PCDHA9: variants seen among roughly 807,000 people sequenced by gnomAD.
PCDHA9 encodes protocadherin alpha 9, also known as protocadherin alpha-9.
In PCDHA9, 62 loss-of-function variants were observed where a neutral mutation model predicts 62.0. The observed-to-expected ratio is 1.00, with a 90% CI of 0.81 to 1.23. PCDHA9 has a LOEUF of 1.23. Among genes scored for constraint, PCDHA9 ranks in the 50% most tolerant of loss-of-function variants. PCDHA9 has a pLI of 0.00. For synonymous variants in PCDHA9, 557 were observed against 567.6 expected (o/e 0.98, Z 0.27); for missense variants, 1,205 against 1,249.8 (o/e 0.96, Z 0.54).
At chr5:141,008,528 G>C (rs1343778561) in intron 3 of PCDHA9, among the ~76,000 whole-genome samples, 5 of 152,070 alleles carry the variant, frequency 3.3e-5, no homozygotes, top group African/African-American at 9.7e-5. Flanking sequence ...AGACTCTTGG[G>C]AATGTCTTTT....
intron 1 of PCDHA9, among the ~76,000 whole-genome samples, chr5:140,900,673 A>G (rs936784929): frequency 3.3e-5 from 5 of 152,210 alleles, no homozygotes; most frequent in African/African-American, 1.2e-4. Flanking sequence ...GAGTGCAGTT[A>G]TCTCTTCAAT....
At position 140,879,168 on chromosome 5, in the gene PCDHA9, A is replaced by G. The variant is rs2057882676; in HGVS notation, c.2394+28279A>G. Among the ~76,000 whole-genome samples, 5 of 152,334 alleles carry G rather than the reference A, an allele frequency of 3.3e-5. 1 individual carries two copies. Among genetic ancestry groups the G allele is most frequent in the Admixed American group, 6.5e-5 (1 of 15,308 alleles). On this transcript the variant is annotated intron_variant, in intron 1 of 3. Coordinates refer to ENST00000532602, the MANE Select transcript of PCDHA9 (RefSeq NM_031857.2). ...AGGAAAGCTATTTCTTTTTTAATAAATTAGGTATCAAGTAATGGAGACTTA... is the reference window on the plus strand; with the variant it reads ...AGGAAAGCTATTTCTTTTTTAATAAGTTAGGTATCAAGTAATGGAGACTTA...
At chr5:140,854,174 A>AAAAAGAGT in intron 1 of PCDHA9, 1 of 680,558 alleles carries the variant, frequency 1.5e-6, no homozygotes, top group Non-Finnish European at 1.8e-6. Context: ...AAAAAAAAAA[A>AAAAAGAGT]AAGAGTAGTT....
At chr5:140,915,015 G>T (rs1469800021) in intron 1 of PCDHA9, among the ~76,000 whole-genome samples, 3 of 146,766 alleles carry the variant, frequency 2.0e-5, no homozygotes, top group Non-Finnish European at 4.5e-5. Flanking sequence ...GCCTGATCTT[G>T]GCTCACTGCA....
chr5:140,850,141 T>G lies in PCDHA9; in HGVS notation c.1646T>G (p.Val549Gly). Residue 549 changes from valine (V) to glycine (G), a missense_variant, in exon 1 of 4, where the codon GTG becomes GGG. Around this residue, in one of 3 missense-constraint regions of PCDHA9, gnomAD observed 887 missense variants for 809.5 expected, o/e 1.10. Coordinates refer to ENST00000532602, the MANE Select transcript of PCDHA9 (RefSeq NM_031857.2). ...GGCGTGCCGCCTCTGGGCAGCAACG[T>G]GACGCTGCAGGTGTTCGTGCTGGAC... The part of the protein sequence containing the change: ...DAGVPPLGSN[V>G]TLQVFVLDEN... The G allele has an allele frequency of 6.3e-7, 1 of 1,595,586 alleles. No homozygotes were observed. The highest frequency in any genetic ancestry group is 8.6e-7 in the Non-Finnish European group (1 of 1,167,804).
At chr5:140,927,063 C>G in intron 1 of PCDHA9, 1 of 1,611,332 alleles carries the variant, frequency 6.2e-7, no homozygotes. Context: ...ACTTTCGCTT[C>G]CTTTCCAGCC....
intron 1 of PCDHA9, chr5:140,871,260 G>A: frequency 1.9e-6 from 3 of 1,613,980 alleles, no homozygotes; most frequent in South Asian, 1.1e-5. Flanking sequence ...TGTATACGGC[G>A]CTGTGGTGGT....
chr5:140,883,151 A>G (rs1317370821), intron 1 of PCDHA9: 1 of 1,613,978 alleles, frequency 6.2e-7, no homozygotes, highest in Non-Finnish European at 8.5e-7. Flanking sequence ...TGCATTTACC[A>G]TAAATCCGAA....
chr5:140,861,396 C>T, intron 1 of PCDHA9: 1 of 455,520 alleles, frequency 2.2e-6, no homozygotes, highest in Non-Finnish European at 4.5e-6. Context: ...GGGTCTGGAG[C>T]TTGTGGAGCT....
At chr5:140,933,659 C>G (rs552302723) in intron 1 of PCDHA9, among the ~76,000 whole-genome samples, 1 of 152,058 alleles carries the variant, frequency 6.6e-6, no homozygotes, top group East Asian at 1.9e-4. Context: ...TCCTGTCTCT[C>G]TCTCTGTCTC....
chr5:140,883,995 C>A (rs1371206040), intron 1 of PCDHA9: 2 of 1,612,878 alleles, frequency 1.2e-6, no homozygotes, highest in Non-Finnish European at 8.5e-7. Flanking sequence ...GCGGGAGGCA[C>A]AGTGAGCGAG....
At chr5:140,927,105 C>T in intron 1 of PCDHA9, 1 of 1,613,778 alleles carries the variant, frequency 6.2e-7, no homozygotes, top group Non-Finnish European at 8.5e-7. Flanking sequence ...TGGATCTACC[C>T]AGCGGCAATT....
Position 140,853,606 on chromosome 5 carries a change from G to T in PCDHA9, c.2394+2717G>T. 3.0e-6 allele frequency: 3 copies of T among 987,448 alleles called. 1 individual carries two copies. The highest frequency in any genetic ancestry group is 3.7e-6 in the Non-Finnish European group (3 of 819,684). The allele number at this position is 987,448 out of a possible 1,614,324, so 61.2% of individuals were successfully genotyped here. A position where few individuals can be genotyped will look rare whatever the true frequency, so the allele number is the denominator to read the frequency against. On this transcript the variant is annotated intron_variant, in intron 1 of 3. Coordinates refer to ENST00000532602, the MANE Select transcript of PCDHA9 (RefSeq NM_031857.2). ...CTTAGACACTTTGAGAGCAAAGGGG[G>T]TGCTGTAAATAAGTATACAAGATCA...
chr5:140,986,106 G>A (rs2097187379), intron 3 of PCDHA9, among the ~76,000 whole-genome samples: 2 of 152,116 alleles, frequency 1.3e-5, no homozygotes, highest in Non-Finnish European at 2.9e-5. Context: ...AAAAGCCTAA[G>A]ATAAAGATGC....
At chr5:140,891,330 T>G (rs995602420) in intron 1 of PCDHA9, among the ~76,000 whole-genome samples, 14 of 152,108 alleles carry the variant, frequency 9.2e-5, no homozygotes, top group Non-Finnish European at 1.9e-4. Flanking sequence ...TGGTGGTGAT[T>G]TGTGAGATTT....
At chr5:140,862,329 T>C (rs1305735393) in intron 1 of PCDHA9, 1 of 327,554 alleles carries the variant, frequency 3.1e-6, no homozygotes, top group Non-Finnish European at 6.0e-6. Context: ...ATCAGTGTAA[T>C]TGACCCTAAC....
intron 1 of PCDHA9, among the ~76,000 whole-genome samples, chr5:140,941,995 T>C (rs1243854944): frequency 6.6e-6 from 1 of 152,234 alleles, no homozygotes; most frequent in Non-Finnish European, 1.5e-5. Context: ...AAGGGATTCA[T>C]ATCTCTTATT....
intron 1 of PCDHA9, among the ~76,000 whole-genome samples, chr5:140,949,542 T>G (rs1418281515): frequency 6.6e-6 from 1 of 151,916 alleles, no homozygotes; most frequent in East Asian, 1.9e-4. Context: ...AATATCGATT[T>G]GTTGCTGGTC....
At chr5:140,928,701 G>A (rs782369096) in intron 1 of PCDHA9, 53 of 1,614,014 alleles carry the variant, frequency 3.3e-5, no homozygotes, top group Admixed American at 2.0e-4. Context: ...TCTCCCGGGC[G>A]TCTGACTCTA....
Sources: allele counts gnomAD v4.1 joint callset (sites outside exome capture counted in the v4.1 genomes callset), GRCh38; gene constraint gnomAD v4.1.1; regional missense constraint gnomAD v4.1.1; transcripts MANE v1.5; gene names NCBI Gene and HGNC (gene_info 2026-07-23, HGNC 2026-07-21).